The following INPP5A variants were observed in gnomAD, a reference collection of about 807,000 sequenced individuals.
The protein encoded by INPP5A is inositol polyphosphate-5-phosphatase A.
In INPP5A, 14 loss-of-function variants were observed where a neutral mutation model predicts 65.2. The observed-to-expected ratio is 0.21, with a 90% CI of 0.14 to 0.34. The LOEUF (loss-of-function observed/expected upper bound fraction) is 0.34. Ranked by LOEUF, INPP5A falls within the 10% of genes least tolerant of loss-of-function variation. The pLI, the probability that INPP5A is intolerant of heterozygous loss-of-function variation, is 1.00. For missense variants in INPP5A, 431 were observed against 545.6 expected, an observed-to-expected ratio of 0.79 and a Z score of 2.09; for synonymous variants, 207 against 208.3, an observed-to-expected ratio of 0.99 and a Z score of 0.05.
chr10:132,779,552 A>G (rs1263394436), intron 13 of INPP5A, among the ~76,000 whole-genome samples: 3 of 152,080 alleles, frequency 2.0e-5, no homozygotes, highest in African/African-American at 7.2e-5. Context: ...TTTTCCATTC[A>G]CTCACAGCCT....
At chr10:132,776,590 C>A (rs1361159169) in intron 12 of INPP5A, among the ~76,000 whole-genome samples, 1 of 152,182 alleles carries the variant, frequency 6.6e-6, no homozygotes, top group Non-Finnish European at 1.5e-5. Context: ...GTGAAGGCCC[C>A]AGAGATGTTG....
In INPP5A at chr10:132,695,253, C is replaced by CATAG. The variant is rs1845327667; in HGVS notation, c.371-2562_371-2559dup. 2.6e-5 allele frequency among the ~76,000 whole-genome samples: 4 copies of CATAG among 152,012 alleles called. No individual in the cohort carries two copies. The South Asian group carries it at 8.3e-4, about 32-fold the overall frequency. On this transcript the variant is annotated intron_variant, in intron 5 of 15. Coordinates refer to ENST00000368594, the MANE Select transcript of INPP5A (RefSeq NM_005539.5). ...GGCAAAAGAAGGAAAATCACATGATCATAGGATAGATGCAGAAAAAGCATT... is the reference window on the plus strand; with the variant it reads ...GGCAAAAGAAGGAAAATCACATGATCATAGATAGGATAGATGCAGAAAAAGCATT...
At position 132,587,764 on chromosome 10, in the gene INPP5A, G is replaced by A. The variant is rs990080732; in HGVS notation, c.76-20151G>A. On this transcript the variant is annotated intron_variant, in intron 1 of 15. Coordinates refer to ENST00000368594, the MANE Select transcript of INPP5A (RefSeq NM_005539.5). The surrounding 1 kb of genome is among the most constrained non-coding windows in gnomAD (Gnocchi z 4.3). ...CATGCCTGTAATCCCCCAGCACTTT[G>A]GGAGGCCGAGGCGAGGCGGGCAGAT... Among the ~76,000 whole-genome samples, 7 of 152,142 alleles carry A rather than the reference G, an allele frequency of 4.6e-5. No individual in the cohort carries two copies. The highest frequency in any genetic ancestry group is 4.6e-4 in the Admixed American group (7 of 15,278).
In INPP5A at chr10:132,616,046, G is replaced by T. The variant is rs1160929035; in HGVS notation, c.117+8090G>T. Among the ~76,000 whole-genome samples the T allele has an allele frequency of 6.6e-6, 1 of 152,196 alleles. No individual in the cohort carries two copies. Among genetic ancestry groups the T allele is most frequent in the African/African-American group, 2.4e-5 (1 of 41,456 alleles). On this transcript the variant is annotated intron_variant, in intron 2 of 15. Coordinates refer to ENST00000368594, the MANE Select transcript of INPP5A (RefSeq NM_005539.5). The surrounding 1 kb of genome is among the most constrained non-coding windows in gnomAD (Gnocchi z 4.9). ...TCTGTAGCTGCCGGTTCCGGGTCCT[G>T]TGGGGAGCGGTGAGGGATGGTCGTG...
At chr10:132,722,461 G>A (rs1168656596) in intron 8 of INPP5A, among the ~76,000 whole-genome samples, 1 of 152,176 alleles carries the variant, frequency 6.6e-6, no homozygotes, top group Non-Finnish European at 1.5e-5. Flanking sequence ...TGCCGATGAC[G>A]CTCTCCCGCC....
chr10:132,619,766 CT>C (rs1486411249), intron 2 of INPP5A, among the ~76,000 whole-genome samples: 2 of 152,236 alleles, frequency 1.3e-5, no homozygotes, highest in African/African-American at 4.8e-5. Flanking sequence ...TCAAATGATT[CT>C]CCTGCCTCAG....
At chr10:132,781,671 G>GC (rs1387914830) in intron 14 of INPP5A, among the ~76,000 whole-genome samples, 190 bp from the exon 15 acceptor site, 1 of 152,126 alleles carries the variant, frequency 6.6e-6, no homozygotes, top group Admixed American at 6.5e-5. Flanking sequence ...CATTCACGGG[G>GC]CCCCCAACCC....
intron 1 of INPP5A, among the ~76,000 whole-genome samples, chr10:132,601,411 G>A (rs2071775996): frequency 6.6e-6 from 1 of 152,238 alleles, no homozygotes; most frequent in South Asian, 2.1e-4. Flanking sequence ...CCCGTTAGCA[G>A]ACACATGACT....
intron 1 of INPP5A, among the ~76,000 whole-genome samples, chr10:132,594,825 C>G (rs2071663502): frequency 6.6e-6 from 1 of 152,152 alleles, no homozygotes; most frequent in Non-Finnish European, 1.5e-5. Flanking sequence ...CCCCTGCCAG[C>G]CCTGCAGGCT....
At chr10:132,643,650 G>A (rs1453948632) in intron 2 of INPP5A, among the ~76,000 whole-genome samples, 2 of 152,222 alleles carry the variant, frequency 1.3e-5, no homozygotes, top group Non-Finnish European at 2.9e-5. Context: ...GGGCATAAAA[G>A]CATCAGCCTG....
At chr10:132,596,924 CGCAT>C (rs2071703480) in intron 1 of INPP5A, among the ~76,000 whole-genome samples, 3 of 22,792 alleles carry the variant, frequency 1.3e-4, no homozygotes, top group Non-Finnish European at 1.1e-3. Context: ...CATGTGTGCG[CGCAT>C]GTGCACGCAT....
chr10:132,668,755 C>T lies in INPP5A; in HGVS notation c.306+18250C>T, dbSNP rs539198370. Among the ~76,000 whole-genome samples, 4 of 152,364 alleles carry T rather than the reference C, an allele frequency of 2.6e-5. No homozygotes were observed. In the South Asian group the frequency reaches 8.3e-4, roughly 32 times the overall value. ...AAAGCTTGCGGCCCACTTCACCCCT[C>T]TCTGAATAGCTCAGGGGGCTTCAGC... On this transcript the variant is annotated intron_variant, in intron 4 of 15. Transcript: ENST00000368594.
chr10:132,749,158 G>A (rs1487572214), intron 9 of INPP5A, among the ~76,000 whole-genome samples: 3 of 152,238 alleles, frequency 2.0e-5, no homozygotes, highest in African/African-American at 7.2e-5. Flanking sequence ...GCGGGAGGAG[G>A]CCGGCCATGT....
intron 1 of INPP5A, among the ~76,000 whole-genome samples, chr10:132,568,062 G>A (rs1399139179): frequency 1.3e-5 from 2 of 152,016 alleles, no homozygotes; most frequent in East Asian, 1.9e-4. Context: ...GTGGTGGTGC[G>A]TGCCTGTAGT....
At chr10:132,714,211 G>A (rs905782551) in intron 8 of INPP5A, among the ~76,000 whole-genome samples, 6 of 152,324 alleles carry the variant, frequency 3.9e-5, no homozygotes, top group African/African-American at 9.6e-5. Flanking sequence ...ACTTTTCTGC[G>A]TCTCTGCATT....
rs191112070 is a variant in INPP5A at position 132,754,270 on chromosome 10, G to A, written c.903+4425G>A. 8.2e-4 allele frequency among the ~76,000 whole-genome samples: 125 copies of A among 152,374 alleles called. No individual in the cohort carries two copies. The Middle Eastern group carries it at 0.02, about 25-fold the overall frequency. On this transcript the variant is annotated intron_variant, in intron 11 of 15. Coordinates refer to ENST00000368594, the MANE Select transcript of INPP5A (RefSeq NM_005539.5). ...TGGGAAGACCCGTGGGGTAAAGACCGCGTGTTTGGAGTGTCTGGCACAGTG... is the reference window on the plus strand; with the variant it reads ...TGGGAAGACCCGTGGGGTAAAGACCACGTGTTTGGAGTGTCTGGCACAGTG...
chr10:132,728,975 C>T (rs1317374122), intron 9 of INPP5A, among the ~76,000 whole-genome samples: 11 of 151,884 alleles, frequency 7.2e-5, no homozygotes, highest in South Asian at 2.1e-4. Context: ...GGGTCCTGGA[C>T]GCTGGGTCCC....
At chr10:132,734,475 T>C (rs965199928) in intron 9 of INPP5A, among the ~76,000 whole-genome samples, 3 of 152,230 alleles carry the variant, frequency 2.0e-5, no homozygotes, top group African/African-American at 7.2e-5. Flanking sequence ...GAGTGCGGAT[T>C]CGCAGCGTTT....
intron 1 of INPP5A, among the ~76,000 whole-genome samples, chr10:132,562,621 G>A (rs575197119): frequency 9.8e-5 from 15 of 152,390 alleles, no homozygotes; most frequent in African/African-American, 3.6e-4. Flanking sequence ...CACGGCACGA[G>A]TGTGGCCAGT....
Sources: gnomAD v4.1 joint callset for allele counts (sites outside exome capture counted in the v4.1 genomes callset) on GRCh38, gnomAD v4.1.1 for gene constraint, Gnocchi (gnomAD v3.1) non-coding constraint, MANE v1.5 for transcripts, NCBI Gene and HGNC (gene_info 2026-07-23, HGNC 2026-07-21) for gene names.